CERS6: variants seen among roughly 807,000 people sequenced by gnomAD.
The protein encoded by CERS6 is LAG1 homolog, ceramide synthase 6.
A neutral mutation model predicts 56.8 loss-of-function variants in CERS6; 26 were observed. The observed-to-expected ratio is 0.46, with a 90% confidence interval of 0.34 to 0.63. CERS6 has a LOEUF of 0.63. Among genes scored for constraint, CERS6 ranks in the 30% least tolerant of loss-of-function variants. The pLI, the probability that CERS6 is intolerant of heterozygous loss-of-function variation, is 0.01. For synonymous variants in CERS6, 164 were observed against 173.3 expected (o/e 0.95, Z 0.42); for missense variants, 415 against 467.5 (o/e 0.89, Z 1.04).
intron 4 of CERS6, among the ~76,000 whole-genome samples, chr2:168,663,430 G>A (rs568677824): frequency 1.3e-5 from 2 of 152,052 alleles, no homozygotes; most frequent in Admixed American, 1.3e-4. Flanking sequence ...TTTATTTTTT[G>A]TAAAGAGGGG....
At chr2:168,563,568 C>A (rs961282780) in intron 3 of CERS6, among the ~76,000 whole-genome samples, 3 of 152,054 alleles carry the variant, frequency 2.0e-5, no homozygotes, top group African/African-American at 7.2e-5. Flanking sequence ...GAGGCCGAGG[C>A]GGGCGGATCA....
rs1036651579 is a variant in CERS6, at chr2:168,456,782, T to G, written c.170+164T>G. 1.3e-5 allele frequency among the ~76,000 whole-genome samples: 2 copies of G among 152,036 alleles called. No individual in the cohort carries two copies. The highest frequency in any genetic ancestry group is 2.9e-5 in the Non-Finnish European group (2 of 67,982). ...TGCTGACCCCCCTGCCCCGCTGGCT[T>G]TCTGGGAGCCAGAAAGGGTCTGGCT... On this transcript the variant is annotated intron_variant, in intron 1 of 9. Transcript: ENST00000305747. This position sits in a 1 kb window ranked among gnomAD's most constrained non-coding sequence, Gnocchi z 4.1.
chr2:168,737,816 T>C (rs1286552431), intron 8 of CERS6, among the ~76,000 whole-genome samples: 1 of 152,238 alleles, frequency 6.6e-6, no homozygotes, highest in African/African-American at 2.4e-5. Context: ...TTGAGCTATG[T>C]ATTGGGAAAT....
rs1010074223 is a variant in CERS6 at position 168,732,211 on chromosome 2, A to G, written c.845+14233A>G. ...ATTCCCTACTCTCAGTAGCAGTCAC[A>G]TGGCATTTTCCTGAAGCACTGTTAT... On this transcript the variant is annotated intron_variant, in intron 8 of 9. Coordinates refer to ENST00000305747, the MANE Select transcript of CERS6 (RefSeq NM_203463.3). Among the ~76,000 whole-genome samples the G allele has an allele frequency of 2.0e-5, 3 of 152,320 alleles. No homozygotes were observed. In the East Asian group the frequency reaches 5.8e-4, roughly 29 times the overall value.
intron 8 of CERS6, among the ~76,000 whole-genome samples, chr2:168,745,247 A>ATT (rs11453117): frequency 0.086 from 12,901 of 149,840 alleles, 909 homozygotes; most frequent in East Asian, 0.43. Context: ...CAGTTTAAAA[A>ATT]TTTTTTTTTT....
At chr2:168,636,323 T>A (rs1209840275) in intron 4 of CERS6, among the ~76,000 whole-genome samples, 1 of 152,176 alleles carries the variant, frequency 6.6e-6, no homozygotes, top group Admixed American at 6.6e-5. Context: ...CTTAGATAAG[T>A]TTTAAAAAGC....
intron 8 of CERS6, among the ~76,000 whole-genome samples, chr2:168,725,851 A>G (rs543910978): frequency 6.6e-6 from 1 of 152,304 alleles, no homozygotes; most frequent in South Asian, 2.1e-4. Context: ...TCAACTCAAA[A>G]ATCTATGCAT....
chr2:168,508,960 T>G (rs1694729789), intron 1 of CERS6, among the ~76,000 whole-genome samples: 1 of 152,218 alleles, frequency 6.6e-6, no homozygotes, highest in African/African-American at 2.4e-5. Context: ...AGGTGACTTT[T>G]TATGTCTCTT....
chr2:168,461,832 C>G (rs562583199), intron 1 of CERS6, among the ~76,000 whole-genome samples: 34 of 152,314 alleles, frequency 2.2e-4, no homozygotes, highest in Non-Finnish European at 2.4e-4. Flanking sequence ...TTTGAATTCT[C>G]TATGGACAGG....
intron 1 of CERS6, among the ~76,000 whole-genome samples, chr2:168,472,599 A>G (rs1194858863): frequency 6.6e-6 from 1 of 152,218 alleles, no homozygotes; most frequent in Admixed American, 6.5e-5. Context: ...TGAAAAAGGA[A>G]TGGGAAGAGG....
intron 8 of CERS6, among the ~76,000 whole-genome samples, chr2:168,743,042 TA>T (rs1052504968): frequency 6.6e-6 from 1 of 152,096 alleles, no homozygotes; most frequent in African/African-American, 2.4e-5. Flanking sequence ...ATCGATATCT[TA>T]GTTAAGGAAG....
chr2:168,719,326 A>T (rs1687303354), intron 8 of CERS6, among the ~76,000 whole-genome samples: 2 of 152,190 alleles, frequency 1.3e-5, no homozygotes, highest in South Asian at 4.1e-4. Flanking sequence ...ATGGATTATC[A>T]ATATTTAAAT....
chr2:168,471,635 A>G (rs1400701784), intron 1 of CERS6, among the ~76,000 whole-genome samples: 1 of 152,224 alleles, frequency 6.6e-6, no homozygotes, highest in Admixed American at 6.5e-5. Flanking sequence ...TTAAAGCAGA[A>G]CCAGACCTGG....
chr2:168,571,772 A>G (rs1363935880), intron 3 of CERS6, among the ~76,000 whole-genome samples: 2 of 152,056 alleles, frequency 1.3e-5, no homozygotes, highest in Non-Finnish European at 2.9e-5. Context: ...TCACAGAGTA[A>G]ATGGGGTATC....
rs115545608 is a variant in CERS6, at chr2:168,760,437, G to T, written c.846-5155G>T. On this transcript the variant is annotated intron_variant, in intron 8 of 9. Transcript: ENST00000305747. ...TGCCCACCAGATTAAGGGTGGGTCA[G>T]CCTTCCTCAGCCCGCTGTCAAATGT... Among the ~76,000 whole-genome samples, 2,987 of 152,242 alleles carry T rather than the reference G, an allele frequency of 0.02. 141 individuals are homozygous for T. In the East Asian group the frequency reaches 0.2, roughly 10 times the overall value.
intron 3 of CERS6, among the ~76,000 whole-genome samples, chr2:168,622,472 A>G (rs4458183): frequency 0.017 from 2,620 of 152,180 alleles, 101 homozygotes; most frequent in East Asian, 0.16. Context: ...AACACTACAT[A>G]TATGTGTGTT....
intron 8 of CERS6, among the ~76,000 whole-genome samples, chr2:168,756,926 G>T (rs1202821847): frequency 1.3e-5 from 2 of 152,134 alleles, no homozygotes. Context: ...TATCCCATAG[G>T]CTTTATTTCA....
chr2:168,728,335 A>G (rs1354068123), intron 8 of CERS6, among the ~76,000 whole-genome samples: 1 of 151,504 alleles, frequency 6.6e-6, no homozygotes, highest in Non-Finnish European at 1.5e-5. Context: ...CAGACTTGGA[A>G]TAGTCTTTAA....
At chr2:168,592,088 G>A (rs1040979234) in intron 3 of CERS6, among the ~76,000 whole-genome samples, 1 of 152,130 alleles carries the variant, frequency 6.6e-6, no homozygotes, top group Non-Finnish European at 1.5e-5. Context: ...TAGGAGGGGG[G>A]ATGAGAATAA....
Sources: allele counts gnomAD v4.1 joint callset (sites outside exome capture counted in the v4.1 genomes callset), GRCh38; gene constraint gnomAD v4.1.1; non-coding constraint Gnocchi (gnomAD v3.1); transcripts MANE v1.5; gene names NCBI Gene and HGNC (gene_info 2026-07-23, HGNC 2026-07-21).